Variants in CHD6 observed in about 807,000 individuals in gnomAD.
CHD6 encodes the protein chromodomain helicase DNA binding protein 6, also known as ATP-dependent chromatin remodeler CHD6.
In CHD6, 50 loss-of-function variants were observed where a neutral mutation model predicts 276.9. That is an observed-to-expected ratio of 0.18 (90% confidence interval 0.14 to 0.23). The LOEUF is 0.23. CHD6 is among the 10% of genes least tolerant of loss of function. The pLI is 1.00. For synonymous variants in CHD6, 1,173 were observed against 1,229.3 expected, an observed-to-expected ratio of 0.95 and a Z score of 0.96; for missense variants, 2,564 against 3,365.8, an observed-to-expected ratio of 0.76 and a Z score of 5.89.
chr20:41,606,674 C>A (rs866855174), intron 1 of CHD6, among the ~76,000 whole-genome samples: 63 of 132,712 alleles, frequency 4.7e-4, no homozygotes, highest in African/African-American at 6.2e-4. Context: ...GACTCCATCT[C>A]AAAAAAAAAA....
At chr20:41,465,648 A>G (rs2042903299) in intron 17 of CHD6, among the ~76,000 whole-genome samples, 1 of 152,238 alleles carries the variant, frequency 6.6e-6, no homozygotes, top group South Asian at 2.1e-4. Flanking sequence ...AGAGTATCAT[A>G]TCAATGTTGC....
chr20:41,566,976 C>T (rs1208197659), intron 1 of CHD6, among the ~76,000 whole-genome samples: 6 of 152,182 alleles, frequency 3.9e-5, no homozygotes, highest in African/African-American at 1.4e-4. Flanking sequence ...TTAGTTTCAA[C>T]TTATTTCTCT....
At chr20:41,435,701 A>C (rs149150824) in intron 27 of CHD6, among the ~76,000 whole-genome samples, 218 of 152,302 alleles carry the variant, frequency 1.4e-3, no homozygotes, top group African/African-American at 5.1e-3. Flanking sequence ...AAAGAGATAT[A>C]AAGGTTTAAA....
intron 5 of CHD6, among the ~76,000 whole-genome samples, chr20:41,505,345 G>C (rs2043951427): frequency 6.6e-6 from 1 of 152,106 alleles, no homozygotes; most frequent in Non-Finnish European, 1.5e-5. Context: ...GAAGTCTCTT[G>C]AGGAAATCCC....
chr20:41,587,907 G>C (rs143137649), intron 1 of CHD6, among the ~76,000 whole-genome samples: 10 of 152,076 alleles, frequency 6.6e-5, no homozygotes, highest in African/African-American at 2.4e-4. Flanking sequence ...AAAGAATAAA[G>C]CATTAAGCAA....
chr20:41,414,168 A>G (rs2046926745), intron 34 of CHD6: 1 of 152,260 alleles, frequency 6.6e-6, no homozygotes, highest in African/African-American at 2.4e-5. Flanking sequence ...GTGTCACTTC[A>G]GCTTCCCAGA....
At chr20:41,567,844 C>A (rs2045375631) in intron 1 of CHD6, among the ~76,000 whole-genome samples, 1 of 152,200 alleles carries the variant, frequency 6.6e-6, no homozygotes, top group South Asian at 2.1e-4. Flanking sequence ...TTGACTGGCA[C>A]TCCCTGAAGG....
chr20:41,415,413 T>G lies in CHD6; in HGVS notation c.6712A>C (p.Ser2238Arg). 6.2e-7 allele frequency: 1 copy of G among 1,612,756 alleles called. No individual in the cohort carries two copies. The change falls in exon 34 of 37, where the codon AGC becomes CGC. Residue 2238 changes from serine to arginine, a missense_variant. Transcript: ENST00000373233. Reference sequence around the variant, plus strand: ...CTGATAGCCCCAATCTTAGGGGTGCTGGCGCTCACTGGGAAAGGGGATGTG... The same window carrying G: ...CTGATAGCCCCAATCTTAGGGGTGCGGGCGCTCACTGGGAAAGGGGATGTG... ...GATSPFPVSA[S>R]TPKIGAISSL...
intron 2 of CHD6, among the ~76,000 whole-genome samples, chr20:41,546,786 T>C (rs1426872671): frequency 6.6e-6 from 1 of 152,250 alleles, no homozygotes; most frequent in African/African-American, 2.4e-5. Context: ...TTTAGTTCTT[T>C]TTAATGTAGA....
At position 41,420,755 on chromosome 20, in the gene CHD6, G is replaced by A. The variant is rs2047160835; in HGVS notation, c.5880C>T (p.Pro1960=). The A allele has an allele frequency of 6.2e-7, 1 of 1,614,096 alleles. No individual in the cohort carries two copies. Among genetic ancestry groups the A allele is most frequent in the African/African-American group, 1.3e-5 (1 of 74,918 alleles). Residue 1960 remains proline (P), a synonymous_variant, in exon 31 of 37, where the codon CCC becomes CCT. Transcript: ENST00000373233. ...LENDEFEIEK[P]KAYIPDLFKS... ...TGAACAGATCTGGGATATAAGCCTT[G>A]GGTTTCTCGATTTCAAATTCATCAT...
At chr20:41,412,043 A>G (rs1426162840) in intron 36 of CHD6, 101 bp downstream of exon 36, 1 of 1,510,214 alleles carries the variant, frequency 6.6e-7, no homozygotes, top group Non-Finnish European at 8.9e-7. Context: ...GATGTCTCCC[A>G]GCGAACCCCT....
intron 33 of CHD6, among the ~76,000 whole-genome samples, chr20:41,416,014 T>C (rs1600803252): frequency 6.6e-6 from 1 of 152,196 alleles, no homozygotes; most frequent in African/African-American, 2.4e-5. Context: ...ACTGAATAAG[T>C]CAGCATCGTT....
At chr20:41,605,923 C>A (rs1444132689) in intron 1 of CHD6, among the ~76,000 whole-genome samples, 5 of 152,176 alleles carry the variant, frequency 3.3e-5, no homozygotes, top group Admixed American at 2.6e-4. Context: ...TGAGAACCTA[C>A]TATGTACAAA....
intron 17 of CHD6, among the ~76,000 whole-genome samples, chr20:41,460,992 G>C (rs2048529309): frequency 6.6e-6 from 1 of 152,212 alleles, no homozygotes; most frequent in African/African-American, 2.4e-5. Context: ...ACTACCTCTT[G>C]CATCAGCATG....
intron 16 of CHD6, among the ~76,000 whole-genome samples, chr20:41,474,439 T>C (rs541564911): frequency 9.9e-4 from 151 of 152,312 alleles, no homozygotes; most frequent in African/African-American, 3.5e-3. Context: ...GGGCGTCTTA[T>C]TCTTTTCCTA....
intron 31 of CHD6, among the ~76,000 whole-genome samples, chr20:41,418,085 T>A (rs1424564075): frequency 6.6e-6 from 1 of 152,176 alleles, no homozygotes; most frequent in Non-Finnish European, 1.5e-5. Flanking sequence ...CTATTTCACT[T>A]CTCAATGTGC....
At chr20:41,483,863 C>T (rs866913547) in intron 15 of CHD6, among the ~76,000 whole-genome samples, 3 of 152,158 alleles carry the variant, frequency 2.0e-5, no homozygotes, top group African/African-American at 4.8e-5. Flanking sequence ...ATAATCCAAG[C>T]CACATTTTGA....
chr20:41,549,795 G>A (rs1020532862), intron 2 of CHD6, among the ~76,000 whole-genome samples: 1 of 152,014 alleles, frequency 6.6e-6, no homozygotes, highest in African/African-American at 2.4e-5. Flanking sequence ...AGGGTCTGGG[G>A]TTCTCTTCAG....
chr20:41,503,004 C>G (rs186094415), intron 5 of CHD6, among the ~76,000 whole-genome samples: 1 of 152,266 alleles, frequency 6.6e-6, no homozygotes, highest in Non-Finnish European at 1.5e-5. Context: ...GACTCCATCT[C>G]AAAAACAAAA....
Sources: gnomAD v4.1 joint callset for allele counts (sites outside exome capture counted in the v4.1 genomes callset) on GRCh38, gnomAD v4.1.1 for gene constraint, MANE v1.5 for transcripts, NCBI Gene and HGNC (gene_info 2026-07-23, HGNC 2026-07-21) for gene names.